RHOT1: variants seen among roughly 807,000 people sequenced by gnomAD.
RHOT1 encodes mitochondrial Rho GTPase 1.
In RHOT1, 27 loss-of-function variants were observed where a neutral mutation model predicts 95.3. The ratio of observed to expected loss-of-function variants is 0.28; its 90% CI spans 0.21 to 0.39. RHOT1 has a LOEUF of 0.39. RHOT1 is among the 10% of genes least tolerant of loss of function. The probability of loss-of-function intolerance (pLI) is 1.00; values close to 1 mark genes in which losing one functional copy is unlikely to be tolerated. For synonymous variants in RHOT1, 227 were observed against 263.5 expected (o/e 0.86, Z 1.34); for missense variants, 578 against 786.7 (o/e 0.73, Z 3.17).
At chr17:32,161,645 A>G (rs1318027494) in intron 1 of RHOT1, among the ~76,000 whole-genome samples, 1 of 152,220 alleles carries the variant, frequency 6.6e-6, no homozygotes, top group Admixed American at 6.5e-5. Flanking sequence ...GCCTGTTCCC[A>G]GGAATGACCA....
chr17:32,203,269 C>CTTCTTTTTT (rs1485362280), intron 15 of RHOT1, among the ~76,000 whole-genome samples: 6 of 72,330 alleles, frequency 8.3e-5, no homozygotes, highest in African/African-American at 3.1e-4. Flanking sequence ...TCTTCTTCTT[C>CTTCTTTTTT]TTTTTTTTTT....
At chr17:32,168,864 A>G (rs1567671360) in intron 1 of RHOT1, among the ~76,000 whole-genome samples, 1 of 152,102 alleles carries the variant, frequency 6.6e-6, no homozygotes, top group African/African-American at 2.4e-5. Flanking sequence ...CAGATTCTTT[A>G]TCTGAAAATT....
At chr17:32,211,389 T>G (rs1392738887) in intron 19 of RHOT1, 151 bp downstream of exon 19, 2 of 602,796 alleles carry the variant, frequency 3.3e-6, no homozygotes, top group Non-Finnish European at 5.2e-6. Context: ...GATGACAATG[T>G]TTAGTTTTGG....
chr17:32,150,614 A>C, intron 1 of RHOT1: 2 of 1,587,510 alleles, frequency 1.3e-6, no homozygotes, highest in Non-Finnish European at 1.7e-6. Context: ...TTTGTGAGTG[A>C]GAGATACTGA....
intron 11 of RHOT1, among the ~76,000 whole-genome samples, chr17:32,197,210 T>C (rs1011632133): frequency 6.6e-6 from 1 of 151,992 alleles, no homozygotes; most frequent in African/African-American, 2.4e-5. Context: ...CATTTTTGTC[T>C]CCCTAGTACC....
intron 1 of RHOT1, chr17:32,142,970 C>T (rs1296222175): frequency 2.8e-6 from 2 of 714,486 alleles, no homozygotes; most frequent in Non-Finnish European, 5.2e-6. Context: ...ATCTCCTTTC[C>T]CTGTTCCCCA....
At chr17:32,204,521 C>G (rs1598435087) in intron 16 of RHOT1, among the ~76,000 whole-genome samples, 1 of 106,756 alleles carries the variant, frequency 9.4e-6, no homozygotes, top group Non-Finnish European at 1.8e-5. Context: ...GCCTGGGCAA[C>G]AAGAGCGAAA....
chr17:32,181,799 A>G (rs73286153), intron 6 of RHOT1, among the ~76,000 whole-genome samples: 1,724 of 152,280 alleles, frequency 0.011, 33 homozygotes, highest in African/African-American at 0.039. Flanking sequence ...CTAACAATAA[A>G]ACCTACACTC....
intron 11 of RHOT1, 119 bp from the exon 12 acceptor site, chr17:32,198,828 A>G (rs2037098541): frequency 1.5e-6 from 1 of 662,912 alleles, no homozygotes; most frequent in Admixed American, 2.6e-5. Flanking sequence ...AATGATACCA[A>G]GTGAAGATAT....
intron 1 of RHOT1, among the ~76,000 whole-genome samples, chr17:32,153,297 T>C (rs929946186): frequency 1.3e-5 from 2 of 152,202 alleles, no homozygotes; most frequent in Admixed American, 6.5e-5. Flanking sequence ...GACTGAGTTA[T>C]TGAATGTCAG....
intron 1 of RHOT1, among the ~76,000 whole-genome samples, chr17:32,144,276 T>C (rs9905738): frequency 6.6e-6 from 1 of 151,930 alleles, no homozygotes; most frequent in Non-Finnish European, 1.5e-5. Flanking sequence ...TTACAGGCAC[T>C]GTGGCTCATG....
chr17:32,142,756 C>A, intron 1 of RHOT1, 27 bp downstream of exon 1: 1 of 1,495,810 alleles, frequency 6.7e-7, no homozygotes. Flanking sequence ...TGGCCGGCCC[C>A]TGAGTCCCTG....
intron 19 of RHOT1, chr17:32,220,979 C>A: frequency 1.5e-6 from 1 of 688,038 alleles, no homozygotes. Flanking sequence ...CAGTAAGATA[C>A]TATAAGTTAT....
intron 1 of RHOT1, among the ~76,000 whole-genome samples, chr17:32,169,071 T>C (rs957587678): frequency 6.6e-6 from 1 of 152,166 alleles, no homozygotes; most frequent in African/African-American, 2.4e-5. Flanking sequence ...AATCATCTGA[T>C]CTATCCCTCT....
chr17:32,187,335 C>T (rs1290803325), intron 8 of RHOT1, among the ~76,000 whole-genome samples: 1 of 152,040 alleles, frequency 6.6e-6, no homozygotes, highest in East Asian at 1.9e-4. Flanking sequence ...CCAGGCTGGT[C>T]TTGAACTCCT....
chr17:32,196,181 CTTTT>C (rs1226938688), intron 11 of RHOT1, among the ~76,000 whole-genome samples: 1,591 of 134,502 alleles, frequency 0.012, 28 homozygotes, highest in African/African-American at 0.041. Context: ...CAAGCTGCTG[CTTTT>C]TTTTTTTTTT....
Position 32,214,003 on chromosome 17 carries a change from A to G in RHOT1, c.1862+2765A>G, listed in dbSNP as rs569190267. Among the ~76,000 whole-genome samples the G allele has an allele frequency of 2.0e-5, 3 of 152,238 alleles. No homozygotes were observed. The South Asian group carries it at 6.2e-4, about 32-fold the overall frequency. On this transcript the variant is annotated intron_variant, in intron 19 of 19. Coordinates refer to ENST00000545287, the MANE Select transcript of RHOT1 (RefSeq NM_001033566.3). Reference sequence around the variant, plus strand: ...ACATCCTGACATCTGGTAATCAAGAATGGAAAGAATGAAAACGACAAGTAG... The same window carrying G: ...ACATCCTGACATCTGGTAATCAAGAGTGGAAAGAATGAAAACGACAAGTAG...
At chr17:32,154,923 G>T (rs1033519358) in intron 1 of RHOT1, among the ~76,000 whole-genome samples, 1 of 151,602 alleles carries the variant, frequency 6.6e-6, no homozygotes, top group Admixed American at 6.6e-5. Flanking sequence ...CTGAGTGATG[G>T]AGTGGTAATT....
rs764871646 is a variant in RHOT1, at chr17:32,199,428, T to G, written c.978T>G (p.Pro326=). Residue 326 remains proline, a synonymous_variant, in exon 13 of 20, where the codon CCT becomes CCG. Transcript: ENST00000545287. ...HDLDRDCALS[P]DELKDLFKVF... Reference sequence around the variant, plus strand: ...AGGATAGAGACTGTGCTTTGTCACCTGATGAGCTTAAAGATTTATTTAAAG... The same window carrying G: ...AGGATAGAGACTGTGCTTTGTCACCGGATGAGCTTAAAGATTTATTTAAAG... 1.2e-6 allele frequency: 2 copies of G among 1,613,166 alleles called. No individual in the cohort carries two copies. Among genetic ancestry groups the G allele is most frequent in the Admixed American group, 3.3e-5 (2 of 59,748 alleles).
Sources: gnomAD v4.1 joint callset for allele counts (sites outside exome capture counted in the v4.1 genomes callset) on GRCh38, gnomAD v4.1.1 for gene constraint, MANE v1.5 for transcripts, NCBI Gene and HGNC (gene_info 2026-07-23, HGNC 2026-07-21) for gene names.